Variants in ERRFI1 observed in about 807,000 individuals in gnomAD.
ERRFI1 encodes ERBB receptor feedback inhibitor 1, also known as mitogen-inducible gene 6 protein.
Under a neutral mutation model 14.6 loss-of-function variants are expected in ERRFI1, and 12 were observed. The observed-to-expected ratio is 0.82, with a 90% CI of 0.53 to 1.33. ERRFI1 has a LOEUF of 1.33. ERRFI1 is among the 40% of genes most tolerant of loss of function. The probability of loss-of-function intolerance (pLI) is 0.00; values close to 1 mark genes in which losing one functional copy is unlikely to be tolerated. For synonymous variants in ERRFI1, 202 were observed against 209.9 expected, an observed-to-expected ratio of 0.96 and a Z score of 0.32; for missense variants, 482 against 572.1, an observed-to-expected ratio of 0.84 and a Z score of 1.61.
intron 1 of ERRFI1, among the ~76,000 whole-genome samples, chr1:8,020,752 T>G (rs1229231502): frequency 6.6e-6 from 1 of 151,996 alleles, no homozygotes; most frequent in Non-Finnish European, 1.5e-5. Context: ...TCCACATTGG[T>G]CAGGCTGGTC....
rs915917937 is a variant in ERRFI1 at position 8,012,142 on chromosome 1, A to C, written c.*1068T>G. On this transcript the variant is annotated 3_prime_UTR_variant, in exon 4 of 4. Transcript: ENST00000377482. ...GATGCTGATGTGACCTCTGGAATTC[A>C]GACATACTGAGCTATGGGTCAGAAG... 8.7e-6 allele frequency: 2 copies of C among 230,606 alleles called. No individual in the cohort carries two copies. Among genetic ancestry groups the C allele is most frequent in the Non-Finnish European group, 1.7e-5 (2 of 116,058 alleles). The allele number at this position is 230,606 out of a possible 1,614,324, so 14.3% of individuals were successfully genotyped here. A position where few individuals can be genotyped will look rare whatever the true frequency, so the allele number is the denominator to read the frequency against.
At position 8,015,654 on chromosome 1, in the gene ERRFI1, G is replaced by A. The variant is rs1454414611; in HGVS notation, c.-35C>T. 4 of 1,613,274 alleles carry A rather than the reference G, an allele frequency of 2.5e-6. No individual in the cohort carries two copies. Among genetic ancestry groups the A allele is most frequent in the African/African-American group, 1.3e-5 (1 of 74,876 alleles). On this transcript the variant is annotated 5_prime_UTR_variant, in exon 2 of 4. Coordinates refer to ENST00000377482, the MANE Select transcript of ERRFI1 (RefSeq NM_018948.4). Reference sequence around the variant, plus strand: ...TTCTGGGACATCTCCAAACCTGTGAGGCCCAGGCACTTTAAAATCAACCAG... The same window carrying A: ...TTCTGGGACATCTCCAAACCTGTGAAGCCCAGGCACTTTAAAATCAACCAG...
At chr1:8,015,951 A>G (rs1262981237) in intron 1 of ERRFI1, among the ~76,000 whole-genome samples, 1 of 152,196 alleles carries the variant, frequency 6.6e-6, no homozygotes, top group African/African-American at 2.4e-5. Flanking sequence ...CAGCAAAAGC[A>G]GACCTCCTAC....
chr1:8,014,499 G>A, intron 3 of ERRFI1, 103 bp from the exon 4 acceptor site: 1 of 1,131,254 alleles, frequency 8.8e-7, no homozygotes, highest in Non-Finnish European at 1.2e-6. Flanking sequence ...CTTTCTTCCT[G>A]AGTGAAACAC....
chr1:8,025,446 G>A (rs544207307), intron 1 of ERRFI1, among the ~76,000 whole-genome samples: 2 of 152,192 alleles, frequency 1.3e-5, no homozygotes, highest in Non-Finnish European at 2.9e-5. Context: ...GTTTCTAGGA[G>A]AGAAGGAAGA....
chr1:8,012,933 A>T lies in ERRFI1; in HGVS notation c.*277T>A, dbSNP rs896078491. ...TTATACCACAAGTTTATATATAGGT[A>T]TGTAATGTATGCATATATAAAAAGC... On this transcript the variant is annotated 3_prime_UTR_variant, in exon 4 of 4. Transcript: ENST00000377482. 7.1e-6 allele frequency: 3 copies of T among 424,912 alleles called. No homozygotes were observed. The highest frequency in any genetic ancestry group is 1.3e-5 in the Non-Finnish European group (3 of 239,316). 26.3% of individuals were successfully genotyped at this position (424,912 alleles called of 1,614,324 possible). A position where few individuals can be genotyped will look rare whatever the true frequency, so the allele number is the denominator to read the frequency against.
At chr1:8,025,845 G>T (rs1388967096) in intron 1 of ERRFI1, among the ~76,000 whole-genome samples, 1 of 152,106 alleles carries the variant, frequency 6.6e-6, no homozygotes, top group South Asian at 2.1e-4. Flanking sequence ...GGCCAGCCGA[G>T]GGGCCGCGCG....
At chr1:8,016,500 T>C (rs1641176111) in intron 1 of ERRFI1, among the ~76,000 whole-genome samples, 1 of 152,182 alleles carries the variant, frequency 6.6e-6, no homozygotes, top group Non-Finnish European at 1.5e-5. Flanking sequence ...ACAAAATAAG[T>C]ACATTTTTCT....
intron 1 of ERRFI1, among the ~76,000 whole-genome samples, chr1:8,024,331 C>T (rs996708234): frequency 6.6e-6 from 1 of 152,138 alleles, no homozygotes; most frequent in African/African-American, 2.4e-5. Context: ...ATGATTGAAA[C>T]AACAGTTTTA....
rs910751550 is a variant in ERRFI1 at position 8,013,846 on chromosome 1, C to T, written c.753G>A (p.Ser251=). The change falls in exon 4 of 4, where the codon TCG becomes TCA. Residue 251 remains serine (S), a synonymous_variant. Transcript: ENST00000377482. This position sits in a 1 kb window ranked among gnomAD's most constrained non-coding sequence, Gnocchi z 4.3. ...GCTTGTTAAAGGAGCCAGCTGGTCC[C>T]GAATGAGACCTTCTTAATCTTCGGT... ...QTHRRLRRSH[S]GPAGSFNKPA... is the part of the protein sequence containing the mutation. 5.0e-6 allele frequency: 8 copies of T among 1,613,880 alleles called. No individual in the cohort carries two copies. In the African/African-American group the frequency reaches 5.3e-5, roughly 11 times the overall value.
chr1:8,015,486 T>C lies in ERRFI1; in HGVS notation c.125+9A>G, dbSNP rs772461595. On this transcript the variant is annotated intron_variant, in intron 2 of 3. Coordinates refer to ENST00000377482, the MANE Select transcript of ERRFI1 (RefSeq NM_018948.4). ...TCCAGATTACAGCAGCATTACATCC[T>C]CTACTTACTTTTTAAACTCACTGCG... is the stretch of plus-strand genomic sequence containing the variant. 1 of 1,614,114 alleles carries C rather than the reference T, an allele frequency of 6.2e-7. No homozygotes were observed. The highest frequency in any genetic ancestry group is 8.5e-7 in the Non-Finnish European group (1 of 1,179,952).
intron 1 of ERRFI1, among the ~76,000 whole-genome samples, chr1:8,020,074 T>TA (rs539364101): frequency 0.011 from 1,452 of 129,516 alleles, 9 homozygotes; most frequent in African/African-American, 0.018. Context: ...TGAAACTGCT[T>TA]AAAAAAAAAA....
At chr1:8,020,917 TCCTTAGTTGTACTCTCTACCATG>T (rs1403895631) in intron 1 of ERRFI1, among the ~76,000 whole-genome samples, 1 of 152,224 alleles carries the variant, frequency 6.6e-6, no homozygotes, top group Non-Finnish European at 1.5e-5. Context: ...TAAGAAAACT[TCCTTAGTTGTACTCTCTACCATG>T]GTAAGCATAA....
Position 8,015,612 on chromosome 1 carries a change from A to G in ERRFI1, c.8T>C (p.Ile3Thr), listed in dbSNP as rs770998621. The G allele has an allele frequency of 3.7e-6, 6 of 1,614,128 alleles. No individual in the cohort carries two copies. The highest frequency in any genetic ancestry group is 2.2e-5 in the East Asian group (1 of 44,884). The change falls in exon 2 of 4, where the codon ATA becomes ACA. Residue 3 changes from isoleucine to threonine, a missense_variant. By Grantham distance (89) the Ile-to-Thr change is moderately conservative. Transcript: ENST00000377482. Reference protein sequence around the residue: MSIAGVAAQEIRV... With the variant: MSTAGVAAQEIRV... ...GATCTCCTGAGCAGCAACTCCTGCT[A>G]TTGACATTGTGCCTTATTCTGGGAC...
chr1:8,013,803 T>G lies in ERRFI1; in HGVS notation c.796A>C (p.Asn266His), dbSNP rs1641128646. 1.2e-6 allele frequency: 2 copies of G among 1,614,166 alleles called. No individual in the cohort carries two copies. The highest frequency in any genetic ancestry group is 1.7e-6 in the Non-Finnish European group (2 of 1,180,026). The change falls in exon 4 of 4, where the codon AAC becomes CAC. Residue 266 changes from asparagine (N) to histidine (H), a missense_variant. By Grantham distance (68) the Asn-to-His change is moderately conservative (BLOSUM62 1). Coordinates refer to ENST00000377482, the MANE Select transcript of ERRFI1 (RefSeq NM_018948.4). The surrounding 1 kb of genome is among the most constrained non-coding windows in gnomAD (Gnocchi z 4.3). ...GGAGAAGCTCTGTGTATACAACAGT[T>G]GGATATCCTTATGGCTGGCTTGTTA... ...SFNKPAIRIS[N>H]CCIHRASPNS...
chr1:8,021,719 G>GT (rs1447909112), intron 1 of ERRFI1, among the ~76,000 whole-genome samples: 2 of 152,176 alleles, frequency 1.3e-5, no homozygotes, highest in Non-Finnish European at 2.9e-5. Flanking sequence ...TGCTTTATGT[G>GT]TATGAACTCA....
At position 8,013,394 on chromosome 1, in the gene ERRFI1, G is replaced by A; in HGVS notation, c.1205C>T (p.Pro402Leu). 6.2e-7 allele frequency: 1 copy of A among 1,614,164 alleles called. No individual in the cohort carries two copies. The highest frequency in any genetic ancestry group is 8.5e-7 in the Non-Finnish European group (1 of 1,180,040). ...THYYLLPERPPYLDKYEKFFR... is the reference protein window; with the variant it reads ...THYYLLPERPLYLDKYEKFFR... ...AAATTTTTCATATTTGTCCAGGTAT[G>A]GTGGTCGTTCAGGTAGTAGGTAATA... Residue 402 changes from proline (P) to leucine (L), a missense_variant, in exon 4 of 4, where the codon CCA (proline) becomes CTA (leucine). By Grantham distance (98) the Pro-to-Leu change is moderately conservative. Coordinates refer to ENST00000377482, the MANE Select transcript of ERRFI1 (RefSeq NM_018948.4). This position sits in a 1 kb window ranked among gnomAD's most constrained non-coding sequence, Gnocchi z 4.3.
chr1:8,011,820 C>G lies in ERRFI1; in HGVS notation c.*1390G>C, dbSNP rs1450966108. ...AAAATCCTTTGTCCAATACTGTACA[C>G]ATAATGCAGAAATCAGTGCATTTTT... On this transcript the variant is annotated 3_prime_UTR_variant, in exon 4 of 4. Coordinates refer to ENST00000377482, the MANE Select transcript of ERRFI1 (RefSeq NM_018948.4). The G allele has an allele frequency of 1.4e-5, 3 of 214,164 alleles. No homozygotes were observed. Among genetic ancestry groups the G allele is most frequent in the Non-Finnish European group, 2.8e-5 (3 of 105,724 alleles). The allele number at this position is 214,164 out of a possible 1,614,324, so 13.3% of individuals were successfully genotyped here.
In ERRFI1 at chr1:8,014,324, A is replaced by C. The variant is rs1641140091; in HGVS notation, c.275T>G (p.Leu92Trp). The C allele has an allele frequency of 6.2e-7, 1 of 1,612,754 alleles. No homozygotes were observed. The highest frequency in any genetic ancestry group is 1.7e-5 in the Admixed American group (1 of 59,882). The change falls in exon 4 of 4, where the codon TTG becomes TGG. Residue 92 changes from leucine to tryptophan, a missense_variant. Physicochemically the swap from Leu to Trp is moderately conservative, Grantham distance 61 (BLOSUM62 -2). Transcript: ENST00000377482. ...AENGPSQKSS[L>W]PPLLIPPSEN... is the part of the protein sequence containing the mutation. The stretch of plus-strand genomic sequence containing the variant: ...ACTTGGGGGAATAAGAAGAGGGGGC[A>C]AGCTGGACTTTTGAGATGGACCATT...
Sources: gnomAD v4.1 joint callset for allele counts (sites outside exome capture counted in the v4.1 genomes callset) on GRCh38, gnomAD v4.1.1 for gene constraint, Gnocchi (gnomAD v3.1) non-coding constraint, MANE v1.5 for transcripts, NCBI Gene and HGNC (gene_info 2026-07-23, HGNC 2026-07-21) for gene names.